Variants in C2CD5 observed in about 807,000 individuals in gnomAD.
C2CD5 encodes C2 calcium dependent domain containing 5.
A neutral mutation model predicts 130.3 loss-of-function variants in C2CD5; 109 were observed. The ratio of observed to expected loss-of-function variants is 0.84; its 90% CI spans 0.72 to 0.98. C2CD5 has a LOEUF of 0.98. C2CD5 is among the 50% of genes least tolerant of loss of function. C2CD5 has a pLI of 0.00. For missense variants in C2CD5, 996 were observed against 1,261.8 expected (o/e 0.79, Z 3.19); for synonymous variants, 454 against 429.2 (o/e 1.06, Z -0.71).
rs933886802 is a variant in C2CD5, at chr12:22,458,501, C to T, written c.2669G>A (p.Arg890His). The T allele has an allele frequency of 1.8e-5, 23 of 1,281,110 alleles. No homozygotes were observed. Among genetic ancestry groups the T allele is most frequent in the Middle Eastern group, 4.0e-4 (2 of 5,030 alleles). The allele number at this position is 1,281,110 out of a possible 1,614,324, so 79.4% of individuals were successfully genotyped here. ...CCGCCTACTTGTCTTAATTGATCCA[C>T]GCCTTATGGTCTGAGCTTTCAGTTT... is the stretch of plus-strand genomic sequence containing the variant. The part of the protein sequence containing the change: ...LIKLKAQTIR[R>H]GSIKTTMTVE... Residue 890 changes from arginine (R) to histidine (H), a missense_variant, in exon 24 of 27, where the codon CGT (arginine) becomes CAT (histidine). Physicochemically the swap from Arg to His is conservative, Grantham distance 29 (BLOSUM62 0). Around this residue, in one of 9 missense-constraint regions of C2CD5, gnomAD observed 590 missense variants for 631.4 expected, o/e 0.93. Coordinates refer to ENST00000446597, the MANE Select transcript of C2CD5 (RefSeq NM_001286176.2).
At chr12:22,520,601 C>A (rs767650770) in intron 7 of C2CD5, among the ~76,000 whole-genome samples, 2 of 151,810 alleles carry the variant, frequency 1.3e-5, no homozygotes, top group African/African-American at 2.4e-5. Flanking sequence ...TTTTATTTCT[C>A]CACTGAAGTG....
At position 22,478,400 on chromosome 12, in the gene C2CD5, G is replaced by A. The variant is rs1437426231; in HGVS notation, c.1815C>T (p.Gly605=). 7 of 1,611,846 alleles carry A rather than the reference G, an allele frequency of 4.3e-6. No homozygotes were observed. Among genetic ancestry groups the A allele is most frequent in the Admixed American group, 1.7e-5 (1 of 60,002 alleles). ...IQIAGKTPND[G]SYEQHISHMQ... ...TATGAGAGATGTGTTGTTCATATGA[G>A]CCATCATTAGGAGTCTTCCCAGCAA... The change falls in exon 15 of 27, where the codon GGC becomes GGT. Residue 605 remains glycine, a synonymous_variant. Coordinates refer to ENST00000446597, the MANE Select transcript of C2CD5 (RefSeq NM_001286176.2).
At chr12:22,509,146 G>A (rs1244993547) in intron 9 of C2CD5, among the ~76,000 whole-genome samples, 4 of 152,136 alleles carry the variant, frequency 2.6e-5, no homozygotes, top group Admixed American at 6.5e-5. Flanking sequence ...CCAAAGTGCT[G>A]GGATTACAGG....
rs1944022993 is a variant in C2CD5 at position 22,477,545 on chromosome 12, G to A, written c.1902+768C>T. On this transcript the variant is annotated intron_variant, in intron 15 of 26. Transcript: ENST00000446597. ...TTTTAATTATACTTTAAGTTTTAGGGTACATGTGCACAATGTGCAGGTTTG... is the reference window on the plus strand; with the variant it reads ...TTTTAATTATACTTTAAGTTTTAGGATACATGTGCACAATGTGCAGGTTTG... Among the ~76,000 whole-genome samples the A allele has an allele frequency of 3.3e-5, 5 of 151,914 alleles. No individual in the cohort carries two copies. The South Asian group carries it at 1.0e-3, about 32-fold the overall frequency.
chr12:22,516,477 T>A (rs545992031), intron 8 of C2CD5, among the ~76,000 whole-genome samples: 2 of 151,410 alleles, frequency 1.3e-5, no homozygotes, highest in African/African-American at 4.8e-5. Context: ...AACTAAAAAT[T>A]TGGAGCCAGA....
At chr12:22,494,711 A>C (rs1182970368) in intron 10 of C2CD5, among the ~76,000 whole-genome samples, 1 of 152,132 alleles carries the variant, frequency 6.6e-6, no homozygotes, top group East Asian at 1.9e-4. Flanking sequence ...TAGAAGATAA[A>C]ATAAGGAAGA....
intron 3 of C2CD5, among the ~76,000 whole-genome samples, chr12:22,532,313 G>A (rs1951360637): frequency 6.7e-6 from 1 of 149,528 alleles, no homozygotes; most frequent in East Asian, 1.9e-4. Context: ...CTGGGCAACG[G>A]GAGTGAAACT....
At chr12:22,532,657 C>T (rs747261004) in intron 3 of C2CD5, among the ~76,000 whole-genome samples, 1 of 152,154 alleles carries the variant, frequency 6.6e-6, no homozygotes, top group African/African-American at 2.4e-5. Context: ...AGCAAAGCAG[C>T]GCCTAAAAAT....
chr12:22,528,364 A>C (rs975947108), intron 3 of C2CD5, among the ~76,000 whole-genome samples: 1 of 152,238 alleles, frequency 6.6e-6, no homozygotes, highest in African/African-American at 2.4e-5. Flanking sequence ...CTAAGTTCAC[A>C]AATTAAGTTC....
Position 22,469,772 on chromosome 12 carries a change from A to G in C2CD5, c.2470T>C (p.Leu824=), listed in dbSNP as rs1353330190. ...QRASTDNEEL[L]QFPLELCSDS... ...GAACACAGTTCCAGTGGAAATTGTA[A>G]AAGTTCTTCATTATCTGTTGAGGCT... is the stretch of plus-strand genomic sequence containing the variant. The change falls in exon 22 of 27, where the codon TTA becomes CTA. Residue 824 remains leucine (L), a synonymous_variant. Transcript: ENST00000446597. 1.2e-6 allele frequency: 2 copies of G among 1,602,864 alleles called. No homozygotes were observed. The highest frequency in any genetic ancestry group is 1.1e-5 in the South Asian group (1 of 89,770).
intron 3 of C2CD5, among the ~76,000 whole-genome samples, chr12:22,532,363 C>CT (rs1229842170): frequency 2.0e-5 from 3 of 151,434 alleles, no homozygotes; most frequent in East Asian, 1.9e-4. Flanking sequence ...ATATTATTCT[C>CT]TTTTTTTTGA....
At chr12:22,500,600 G>C (rs1160751553) in intron 10 of C2CD5, among the ~76,000 whole-genome samples, 2 of 152,080 alleles carry the variant, frequency 1.3e-5, no homozygotes, top group African/African-American at 4.8e-5. Flanking sequence ...TATCCTCCAA[G>C]AATATGAGCT....
chr12:22,509,037 C>A (rs374698564), intron 9 of C2CD5, among the ~76,000 whole-genome samples: 2 of 151,638 alleles, frequency 1.3e-5, no homozygotes, highest in African/African-American at 4.8e-5. Flanking sequence ...CCACCGCGCC[C>A]GGCTAATTTT....
intron 22 of C2CD5, chr12:22,460,540 T>C (rs1276532687): frequency 1.3e-5 from 2 of 152,144 alleles, no homozygotes; most frequent in East Asian, 1.9e-4. Context: ...TTGCTGCTAA[T>C]TGAAAATACA....
chr12:22,542,610 T>C (rs1413370700), intron 2 of C2CD5, among the ~76,000 whole-genome samples: 1 of 152,236 alleles, frequency 6.6e-6, no homozygotes, highest in Non-Finnish European at 1.5e-5. Context: ...AATGTCACTT[T>C]CACAAGAAGC....
At chr12:22,500,099 A>T (rs1288909376) in intron 10 of C2CD5, among the ~76,000 whole-genome samples, 1 of 152,056 alleles carries the variant, frequency 6.6e-6, no homozygotes, top group South Asian at 2.1e-4. Context: ...CATGAAAATC[A>T]CTTGAACCTG....
chr12:22,476,400 A>G (rs1355620558), intron 15 of C2CD5, among the ~76,000 whole-genome samples: 1 of 152,152 alleles, frequency 6.6e-6, no homozygotes, highest in Non-Finnish European at 1.5e-5. Flanking sequence ...CAATAAGGAA[A>G]GACATATTAG....
chr12:22,495,168 A>G (rs1447535859), intron 10 of C2CD5, among the ~76,000 whole-genome samples: 1 of 152,120 alleles, frequency 6.6e-6, no homozygotes, highest in Non-Finnish European at 1.5e-5. Flanking sequence ...TTTTTAAACC[A>G]TTCTAGAAGT....
chr12:22,516,734 T>A (rs564408226), intron 8 of C2CD5, among the ~76,000 whole-genome samples: 108 of 151,882 alleles, frequency 7.1e-4, no homozygotes, highest in African/African-American at 2.1e-3. Context: ...TTAAACTTAT[T>A]ACTCAAATAG....
Sources: allele counts gnomAD v4.1 joint callset (sites outside exome capture counted in the v4.1 genomes callset), GRCh38; gene constraint gnomAD v4.1.1; regional missense constraint gnomAD v4.1.1; transcripts MANE v1.5; gene names NCBI Gene and HGNC (gene_info 2026-07-23, HGNC 2026-07-21).